MYO6: variants seen among roughly 807,000 people sequenced by gnomAD.
The protein encoded by MYO6 is unconventional myosin-VI.
A neutral mutation model predicts 178.7 loss-of-function variants in MYO6; 74 were observed. That is an observed-to-expected ratio of 0.41 (90% CI 0.34 to 0.50). The LOEUF (loss-of-function observed/expected upper bound fraction) is 0.50. Ranked by LOEUF, MYO6 falls within the 20% of genes least tolerant of loss-of-function variation. MYO6 has a pLI of 0.09. For missense variants in MYO6, 1,330 were observed against 1,547.4 expected (o/e 0.86, Z 2.36); for synonymous variants, 477 against 504.6 (o/e 0.95, Z 0.73).
chr6:75,885,497 G>A (rs964341599), intron 23 of MYO6, among the ~76,000 whole-genome samples: 35 of 151,144 alleles, frequency 2.3e-4, no homozygotes, highest in African/African-American at 6.6e-4. Flanking sequence ...CACCCAGGCC[G>A]GAGTGCAGTG....
intron 1 of MYO6, among the ~76,000 whole-genome samples, chr6:75,754,519 C>CAAAAAAAAAAAAA (rs58162315): frequency 2.3e-5 from 1 of 44,178 alleles, no homozygotes; most frequent in Non-Finnish European, 3.3e-5. Flanking sequence ...GACTCCGTCT[C>CAAAAAAAAAAAAA]AAAAAAAAAA....
chr6:75,841,457 G>A, intron 9 of MYO6, 79 bp downstream of exon 9: 1 of 1,395,664 alleles, frequency 7.2e-7, no homozygotes, highest in East Asian at 2.3e-5. Flanking sequence ...GGGAGGCTGA[G>A]GCGGATGGAT....
chr6:75,898,554 A>G (rs906890837), intron 30 of MYO6, 143 bp downstream of exon 30: 6 of 730,310 alleles, frequency 8.2e-6, no homozygotes, highest in Admixed American at 4.6e-5. Flanking sequence ...TACAAGAAAT[A>G]TCACTTCTCC....
intron 7 of MYO6, among the ~76,000 whole-genome samples, chr6:75,838,722 C>T (rs1773902306): frequency 1.3e-5 from 2 of 149,614 alleles, no homozygotes; most frequent in African/African-American, 2.5e-5. Context: ...CGTGCAGTGG[C>T]AAGATCTCGG....
intron 20 of MYO6, among the ~76,000 whole-genome samples, chr6:75,879,367 C>T (rs775282558): frequency 1.3e-5 from 2 of 152,070 alleles, no homozygotes; most frequent in African/African-American, 4.8e-5. Flanking sequence ...GTCTCAGCCC[C>T]CTGAGTAGCT....
At chr6:75,868,711 T>G (rs1776899762) in intron 18 of MYO6, among the ~76,000 whole-genome samples, 1 of 152,126 alleles carries the variant, frequency 6.6e-6, no homozygotes, top group Non-Finnish European at 1.5e-5. Context: ...AAATTAAAAT[T>G]GAAGTATATA....
chr6:75,778,926 G>C (rs1490445660), intron 1 of MYO6, among the ~76,000 whole-genome samples: 1 of 151,680 alleles, frequency 6.6e-6, no homozygotes, highest in East Asian at 2.0e-4. Flanking sequence ...GTATGGTGGT[G>C]CATGCCTGTA....
At chr6:75,864,026 G>A (rs6932992) in intron 16 of MYO6, among the ~76,000 whole-genome samples, 57,720 of 151,716 alleles carry the variant, frequency 0.38, 12,263 homozygotes, top group Middle Eastern at 0.53. Context: ...TGTCAGTTTC[G>A]ACCACAAAGA....
chr6:75,833,512 G>C (rs1311583435), intron 6 of MYO6, among the ~76,000 whole-genome samples: 1 of 152,124 alleles, frequency 6.6e-6, no homozygotes, highest in Admixed American at 6.5e-5. Context: ...CAGTTTTTCT[G>C]TGAATTTAAC....
chr6:75,764,749 G>A (rs1440136392), intron 1 of MYO6, among the ~76,000 whole-genome samples: 1 of 152,028 alleles, frequency 6.6e-6, no homozygotes, highest in Non-Finnish European at 1.5e-5. Flanking sequence ...TCCAGGCCAG[G>A]CACTTTGAGA....
At chr6:75,806,550 T>C (rs1770109253) in intron 1 of MYO6, among the ~76,000 whole-genome samples, 1 of 152,082 alleles carries the variant, frequency 6.6e-6, no homozygotes, top group Non-Finnish European at 1.5e-5. Flanking sequence ...ATAAACAAAA[T>C]CTCTGCAGCA....
chr6:75,800,464 T>C (rs148543938), intron 1 of MYO6, among the ~76,000 whole-genome samples: 65 of 152,256 alleles, frequency 4.3e-4, no homozygotes, highest in Non-Finnish European at 8.7e-4. Flanking sequence ...TAGGCTAAGG[T>C]GTCAGATTTC....
At chr6:75,770,543 C>A (rs1414063344) in intron 1 of MYO6, among the ~76,000 whole-genome samples, 1 of 152,220 alleles carries the variant, frequency 6.6e-6, no homozygotes, top group Non-Finnish European at 1.5e-5. Flanking sequence ...GTGGCATGAT[C>A]TTGGCTTATT....
In MYO6 at chr6:75,768,326, C is replaced by CATTTTATTTT. The variant is rs57473480; in HGVS notation, c.-48+18966_-48+18975dup. ...AGTTTTCCTCCAAGTGTAAATAATTCATTTTATTTTATTTTATTTTATTTT... is the reference window on the plus strand; with the variant it reads ...AGTTTTCCTCCAAGTGTAAATAATTCATTTTATTTTATTTTATTTTATTTTATTTTATTTT... On this transcript the variant is annotated intron_variant, in intron 1 of 34. Transcript: ENST00000369977. 6.5e-4 allele frequency among the ~76,000 whole-genome samples: 78 copies of CATTTTATTTT among 119,518 alleles called. 1 individual carries two copies. The South Asian group carries it at 6.9e-3, about 11-fold the overall frequency. 78.4% of individuals were successfully genotyped at this position (119,518 alleles called of 152,430 possible).
intron 5 of MYO6, among the ~76,000 whole-genome samples, chr6:75,832,201 T>A (rs1773167449): frequency 6.6e-6 from 1 of 152,188 alleles, no homozygotes; most frequent in African/African-American, 2.4e-5. Flanking sequence ...AAAATATATA[T>A]GTAAACAGAG....
intron 9 of MYO6, among the ~76,000 whole-genome samples, chr6:75,844,133 G>A (rs1774506002): frequency 6.6e-6 from 1 of 152,054 alleles, no homozygotes; most frequent in African/African-American, 2.4e-5. Context: ...TAGCAAATAT[G>A]TTCATTCACT....
intron 30 of MYO6, among the ~76,000 whole-genome samples, chr6:75,901,326 A>G (rs370860207): frequency 1.3e-5 from 2 of 152,150 alleles, no homozygotes; most frequent in African/African-American, 2.4e-5. Flanking sequence ...ACCTTGGGCA[A>G]TATGGCCATT....
chr6:75,812,555 C>A (rs923806820), intron 1 of MYO6, among the ~76,000 whole-genome samples: 2 of 152,070 alleles, frequency 1.3e-5, no homozygotes, highest in Non-Finnish European at 2.9e-5. Flanking sequence ...TTTATTAATT[C>A]TAACTATATT....
At chr6:75,786,395 A>G (rs1041556875) in intron 1 of MYO6, among the ~76,000 whole-genome samples, 7 of 152,158 alleles carry the variant, frequency 4.6e-5, no homozygotes, top group Non-Finnish European at 7.3e-5. Context: ...CATACGTTTT[A>G]GAATAAGCTT....
Sources: allele counts gnomAD v4.1 joint callset (sites outside exome capture counted in the v4.1 genomes callset), GRCh38; gene constraint gnomAD v4.1.1; transcripts MANE v1.5; gene names NCBI Gene and HGNC (gene_info 2026-07-23, HGNC 2026-07-21).